The following RIN2 variants were observed in gnomAD, a reference collection of about 807,000 sequenced individuals.
RIN2 encodes RAB5 interacting protein 2.
In RIN2, 36 loss-of-function variants were observed where a neutral mutation model predicts 78.0. The observed-to-expected ratio is 0.46, with a 90% CI of 0.35 to 0.61. The LOEUF is 0.61. Ranked by LOEUF, RIN2 falls within the 20% of genes least tolerant of loss-of-function variation. The pLI is 0.00. For missense variants in RIN2, 1,087 were observed against 1,159.7 expected (o/e 0.94, Z 0.91); for synonymous variants, 466 against 466.8 (o/e 1.00, Z 0.02).
chr20:19,880,551 A>G (rs1040802073), intron 2 of RIN2, among the ~76,000 whole-genome samples: 2 of 151,832 alleles, frequency 1.3e-5, no homozygotes, highest in South Asian at 2.1e-4. Flanking sequence ...ACATGCCACC[A>G]TGCCCAGCTA....
chr20:19,942,510 T>C (rs896744183), intron 4 of RIN2, among the ~76,000 whole-genome samples: 4 of 152,150 alleles, frequency 2.6e-5, no homozygotes, highest in Admixed American at 6.5e-5. Context: ...AAAAGCACAA[T>C]GCAGAAAATA....
chr20:19,769,298 G>A lies in RIN2; in HGVS notation c.-163+10971G>A, dbSNP rs114538909. ...TCCTTGAAGGGTAAGTAATGAATAG[G>A]ATAGAGGACATTGAAAGCTGTGGGT... On this transcript the variant is annotated intron_variant, in intron 1 of 12. Coordinates refer to ENST00000255006, the MANE Select transcript of RIN2 (RefSeq NM_018993.4). 7.7e-3 allele frequency among the ~76,000 whole-genome samples: 1,179 copies of A among 152,276 alleles called. 16 individuals are homozygous for A. The highest frequency in any genetic ancestry group is 0.027 in the African/African-American group (1,115 of 41,566).
chr20:19,827,101 G>A (rs1049909005), intron 2 of RIN2, among the ~76,000 whole-genome samples: 7 of 150,272 alleles, frequency 4.7e-5, no homozygotes, highest in African/African-American at 1.7e-4. Context: ...TCAGACTCCC[G>A]AGTAGCTGGG....
intron 3 of RIN2, among the ~76,000 whole-genome samples, chr20:19,920,252 C>T (rs182175406): frequency 4.7e-5 from 7 of 149,262 alleles, no homozygotes; most frequent in African/African-American, 1.2e-4. Flanking sequence ...GCTGAGATCG[C>T]GCCACTGCAC....
intron 1 of RIN2, among the ~76,000 whole-genome samples, chr20:19,788,602 GAAAA>G (rs34183798): frequency 8.2e-6 from 1 of 121,820 alleles, no homozygotes; most frequent in Non-Finnish European, 1.8e-5. Context: ...ACTTTGTCTC[GAAAA>G]AAAAAAAAAA....
At chr20:19,781,782 CTT>C (rs72107329) in intron 1 of RIN2, among the ~76,000 whole-genome samples, 4,968 of 143,808 alleles carry the variant, frequency 0.035, 110 homozygotes, top group East Asian at 0.089. Flanking sequence ...AGATTATACA[CTT>C]TTTTTTTTTT....
chr20:19,813,717 A>AT (rs2035675624), intron 2 of RIN2, among the ~76,000 whole-genome samples: 1 of 152,334 alleles, frequency 6.6e-6, no homozygotes, highest in African/African-American at 2.4e-5. Context: ...ACAAACATGT[A>AT]TTTTTTAAAA....
intron 2 of RIN2, among the ~76,000 whole-genome samples, chr20:19,876,024 A>G (rs2037845163): frequency 6.6e-6 from 1 of 152,212 alleles, no homozygotes; most frequent in Non-Finnish European, 1.5e-5. Context: ...TGTCATTAAC[A>G]GAAGAGGGAG....
chr20:19,970,060 T>C (rs1171012215), intron 7 of RIN2, among the ~76,000 whole-genome samples: 1 of 152,234 alleles, frequency 6.6e-6, no homozygotes, highest in African/African-American at 2.4e-5. Flanking sequence ...CTCTGCCATG[T>C]GTGTTTGTCC....
intron 7 of RIN2, among the ~76,000 whole-genome samples, chr20:19,969,281 A>T (rs972087357): frequency 1.3e-5 from 2 of 152,184 alleles, no homozygotes; most frequent in African/African-American, 4.8e-5. Context: ...TCTCATGATG[A>T]CAAAGTCCAG....
chr20:19,769,824 G>T (rs2034042699), intron 1 of RIN2, among the ~76,000 whole-genome samples: 1 of 152,156 alleles, frequency 6.6e-6, no homozygotes, highest in Non-Finnish European at 1.5e-5. Context: ...GCTCTAATTT[G>T]AACTGCTGAT....
intron 2 of RIN2, among the ~76,000 whole-genome samples, chr20:19,829,704 G>A (rs2036195965): frequency 6.6e-6 from 1 of 152,206 alleles, no homozygotes; most frequent in East Asian, 1.9e-4. Flanking sequence ...TGGGGTTTAG[G>A]CTGGGCTTCC....
chr20:19,964,977 C>G lies in RIN2; in HGVS notation c.489C>G (p.Ile163Met). ...TYTFSLEGSG[I>M]SFADLFRLIA... is the part of the protein sequence containing the mutation. ...CCTTTTCCCTGGAAGGCTCAGGAAT[C>G]AGTTTCGCAGATTTATTCCGGCTCA... Residue 163 changes from isoleucine (I) to methionine (M), a missense_variant, in exon 7 of 13, where the codon ATC becomes ATG. Transcript: ENST00000255006. 2 of 1,613,626 alleles carry G rather than the reference C, an allele frequency of 1.2e-6. No individual in the cohort carries two copies. The highest frequency in any genetic ancestry group is 1.6e-4 in the Middle Eastern group (1 of 6,062).
chr20:19,815,024 C>A (rs1213147245), intron 2 of RIN2, among the ~76,000 whole-genome samples: 2 of 152,172 alleles, frequency 1.3e-5, no homozygotes, highest in Non-Finnish European at 2.9e-5. Context: ...TAAGCACCAA[C>A]AAAGAAACTC....
chr20:19,923,440 AAAAT>A (rs2040010487), intron 3 of RIN2, among the ~76,000 whole-genome samples: 1 of 119,618 alleles, frequency 8.4e-6, no homozygotes, highest in Non-Finnish European at 1.6e-5. Context: ...AAAATAAAAT[AAAAT>A]AAAATAAAAT....
chr20:19,886,103 G>A (rs536490896), intron 2 of RIN2, among the ~76,000 whole-genome samples: 388 of 152,336 alleles, frequency 2.5e-3, no homozygotes, highest in Non-Finnish European at 4.1e-3. Flanking sequence ...GTGGCCCGGC[G>A]CAGCAAAAGC....
chr20:19,940,890 G>A (rs2040844464), intron 4 of RIN2, among the ~76,000 whole-genome samples: 2 of 152,306 alleles, frequency 1.3e-5, no homozygotes, highest in South Asian at 4.1e-4. Flanking sequence ...GGGATCCACA[G>A]AACAACCTCC....
chr20:19,922,596 GCAC>G (rs2039970156), intron 3 of RIN2, among the ~76,000 whole-genome samples: 1 of 152,294 alleles, frequency 6.6e-6, no homozygotes, highest in African/African-American at 2.4e-5. Flanking sequence ...CGAGGAGGTA[GCAC>G]CACTCAGTAG....
At chr20:19,814,319 A>T (rs1381791287) in intron 2 of RIN2, among the ~76,000 whole-genome samples, 1 of 151,090 alleles carries the variant, frequency 6.6e-6, no homozygotes, top group Non-Finnish European at 1.5e-5. Context: ...GGGTGTTTGG[A>T]CCCATGTTTG....
Sources: allele counts gnomAD v4.1 joint callset (sites outside exome capture counted in the v4.1 genomes callset), GRCh38; gene constraint gnomAD v4.1.1; transcripts MANE v1.5; gene names NCBI Gene and HGNC (gene_info 2026-07-23, HGNC 2026-07-21).